The following CLVS1 variants were observed in gnomAD, a reference collection of about 807,000 sequenced individuals.
CLVS1 encodes clavesin 1.
In CLVS1, 10 loss-of-function variants were observed where a neutral mutation model predicts 33.1. The observed-to-expected ratio is 0.30, with a 90% CI of 0.19 to 0.51. The LOEUF (loss-of-function observed/expected upper bound fraction) is 0.51, where lower values mean the gene tolerates loss of function less well. CLVS1 is among the 20% of genes least tolerant of loss of function. The pLI is 0.97. For synonymous variants in CLVS1, 163 were observed against 166.1 expected (o/e 0.98, Z 0.14); for missense variants, 343 against 433.4 (o/e 0.79, Z 1.85).
At chr8:61,455,771 A>T (rs1317612479) in intron 4 of CLVS1, among the ~76,000 whole-genome samples, 4 of 152,136 alleles carry the variant, frequency 2.6e-5, no homozygotes, top group African/African-American at 9.7e-5. Context: ...GACACTAGGG[A>T]ATAGCTCTGA....
At chr8:61,181,697 C>CTTTTT (rs369025438) in intron 2 of CLVS1, among the ~76,000 whole-genome samples, 38,115 of 102,796 alleles carry the variant, frequency 0.37, 9,742 homozygotes, top group Non-Finnish European at 0.53. Context: ...ACCATCTGAT[C>CTTTTT]TTTTTTTTTT....
At chr8:61,005,022 T>C in the CLVS1 span, among the ~76,000 whole-genome samples, 4 of 152,192 alleles carry the variant, frequency 2.6e-5, no homozygotes, top group East Asian at 7.7e-4. Flanking sequence ...TGAAATGCCA[T>C]TTCATCCCAA....
At chr8:61,131,764 T>C (rs1806103131) in intron 1 of CLVS1, 1 of 152,026 alleles carries the variant, frequency 6.6e-6, no homozygotes, top group Admixed American at 6.5e-5. Flanking sequence ...TTCTTTTTAA[T>C]TCAAGGGCCT....
At chr8:61,125,325 G>A (rs1222609497) in intron 1 of CLVS1, among the ~76,000 whole-genome samples, 2 of 152,166 alleles carry the variant, frequency 1.3e-5, no homozygotes, top group African/African-American at 2.4e-5. Flanking sequence ...TTGGGGGTCA[G>A]GGGGAAGGCT....
At chr8:61,448,196 A>C (rs1816825054) in intron 3 of CLVS1, among the ~76,000 whole-genome samples, 1 of 152,088 alleles carries the variant, frequency 6.6e-6, no homozygotes, top group Non-Finnish European at 1.5e-5. Flanking sequence ...GCTTTCAAAA[A>C]TATAATTATG....
At chr8:60,980,056 T>G in the CLVS1 span, among the ~76,000 whole-genome samples, 9 of 152,308 alleles carry the variant, frequency 5.9e-5, no homozygotes, top group South Asian at 1.9e-3. Context: ...TACAACACCC[T>G]TGGGGCAGGA....
chr8:61,239,654 T>TGAGGCTGAGAGGTC (rs951263852), intron 2 of CLVS1, among the ~76,000 whole-genome samples: 8 of 152,252 alleles, frequency 5.3e-5, no homozygotes, highest in Non-Finnish European at 7.4e-5. Flanking sequence ...GAGGATTGCC[T>TGAGGCTGAGAGGTC]GAGGCTGAGA....
chr8:61,126,183 C>T (rs1805965375), intron 1 of CLVS1, among the ~76,000 whole-genome samples: 1 of 152,190 alleles, frequency 6.6e-6, no homozygotes, highest in African/African-American at 2.4e-5. Context: ...TATGCACACA[C>T]ACACATGCAT....
intron 2 of CLVS1, among the ~76,000 whole-genome samples, chr8:61,186,466 T>C (rs72654673): frequency 0.072 from 11,008 of 152,128 alleles, 572 homozygotes; most frequent in African/African-American, 0.13. Flanking sequence ...TCAGGATGCA[T>C]TGGGATGTGT....
chr8:61,136,283 C>A (rs1166019609), intron 2 of CLVS1, among the ~76,000 whole-genome samples: 1 of 152,214 alleles, frequency 6.6e-6, no homozygotes, highest in East Asian at 1.9e-4. Flanking sequence ...CCTGCTGAAA[C>A]TGACACACTG....
At chr8:61,060,695 G>A (rs907618267) in intron 1 of CLVS1, among the ~76,000 whole-genome samples, 1 of 152,038 alleles carries the variant, frequency 6.6e-6, no homozygotes, top group African/African-American at 2.4e-5. Context: ...AGTTATTATC[G>A]GGGCATGGAC....
chr8:61,287,940 G>T (rs982540903), upstream of CLVS1: 1 of 375,998 alleles, frequency 2.7e-6, no homozygotes, highest in Non-Finnish European at 5.3e-6. Flanking sequence ...GCTAGGCTCC[G>T]TATAGAAGGA....
rs890810294 is a variant in CLVS1, at chr8:61,275,798, C to T, written c.-151-23879C>T. The stretch of plus-strand genomic sequence containing the variant: ...CTTACCTTTACAATGCCATTCATCC[C>T]TCAAAAGAACAAACCACTGAATTCA... On this transcript the variant is annotated intron_variant, in intron 2 of 2. Transcript: ENST00000522621. Among the ~76,000 whole-genome samples the T allele has an allele frequency of 5.9e-5, 9 of 152,322 alleles. No individual in the cohort carries two copies. In the East Asian group the frequency reaches 1.2e-3, roughly 20 times the overall value.
At chr8:61,304,616 G>T (rs191320844) in intron 2 of CLVS1, among the ~76,000 whole-genome samples, 2 of 152,124 alleles carry the variant, frequency 1.3e-5, no homozygotes, top group Non-Finnish European at 2.9e-5. Flanking sequence ...ACCTAAACTC[G>T]TATCAGCATT....
chr8:61,092,791 T>C (rs1805272837), intron 1 of CLVS1, among the ~76,000 whole-genome samples: 1 of 152,230 alleles, frequency 6.6e-6, no homozygotes, highest in Non-Finnish European at 1.5e-5. Flanking sequence ...CCTAATTCCA[T>C]CTGCAATCTT....
intron 2 of CLVS1, among the ~76,000 whole-genome samples, chr8:61,153,649 A>G (rs1350735777): frequency 1.3e-5 from 2 of 152,144 alleles, no homozygotes; most frequent in Non-Finnish European, 2.9e-5. Context: ...CACAGCCCAC[A>G]CTCAGGGCTC....
intron 5 of CLVS1, among the ~76,000 whole-genome samples, chr8:61,493,330 A>G (rs1040648419): frequency 6.6e-6 from 1 of 152,196 alleles, no homozygotes; most frequent in Non-Finnish European, 1.5e-5. Context: ...AAATTTGCAA[A>G]TGAATATCAA....
intron 2 of CLVS1, among the ~76,000 whole-genome samples, chr8:61,374,313 T>C (rs1813557794): frequency 6.6e-6 from 1 of 152,210 alleles, no homozygotes; most frequent in Non-Finnish European, 1.5e-5. Context: ...TCTTCCTCCT[T>C]CAACCTCAGT....
rs149356822 is a variant in CLVS1, at chr8:61,300,140, C to T, written c.313C>T (p.Leu105=). 3.0e-5 allele frequency: 49 copies of T among 1,613,998 alleles called. No individual in the cohort carries two copies. In the African/African-American group the frequency reaches 5.6e-4, roughly 18 times the overall value. Residue 105 remains leucine, a synonymous_variant, in exon 2 of 6, where the codon CTG becomes TTG. Transcript: ENST00000325897. ...GTATTTCCAGTACCGCCAGCTAAAC[C>T]TGGACATGTTCAAAAACTTCAAGGC... ...AQYFQYRQLN[L]DMFKNFKADD...
Sources: gnomAD v4.1 joint callset for allele counts (sites outside exome capture counted in the v4.1 genomes callset) on GRCh38, gnomAD v4.1.1 for gene constraint, MANE v1.5 for transcripts, NCBI Gene and HGNC (gene_info 2026-07-23, HGNC 2026-07-21) for gene names.